The following MVB12B variants were observed in gnomAD, a reference collection of about 807,000 sequenced individuals.
MVB12B encodes multivesicular body subunit 12B.
A neutral mutation model predicts 41.6 loss-of-function variants in MVB12B; 16 were observed. The ratio of observed to expected loss-of-function variants is 0.38; its 90% CI spans 0.26 to 0.58. The LOEUF is 0.58. Among genes scored for constraint, MVB12B ranks in the 20% least tolerant of loss-of-function variants. MVB12B has a pLI of 0.62. For synonymous variants in MVB12B, 133 were observed against 139.7 expected (o/e 0.95, Z 0.34); for missense variants, 274 against 380.2 (o/e 0.72, Z 2.32).
Position 126,478,188 on chromosome 9 carries a change from G to A in MVB12B, c.758-3181G>A, listed in dbSNP as rs1220196618. 6.6e-6 allele frequency among the ~76,000 whole-genome samples: 1 copy of A among 152,202 alleles called. No homozygotes were observed. Among genetic ancestry groups the A allele is most frequent in the Non-Finnish European group, 1.5e-5 (1 of 68,046 alleles). ...AATTTTTTAAAACATTTCCCTCCCT[G>A]CTTAGATCTTCCTAGTTCCTAGAAG... On this transcript the variant is annotated intron_variant, in intron 7 of 9. Coordinates refer to ENST00000361171, the MANE Select transcript of MVB12B (RefSeq NM_033446.3). The surrounding 1 kb of genome is among the most constrained non-coding windows in gnomAD (Gnocchi z 4.2).
chr9:126,434,840 A>C (rs918051437), intron 7 of MVB12B, among the ~76,000 whole-genome samples: 2 of 152,174 alleles, frequency 1.3e-5, no homozygotes, highest in African/African-American at 4.8e-5. Flanking sequence ...AAGGAGATCC[A>C]TCTCTGGTCA....
chr9:126,457,550 G>A (rs2417018), intron 7 of MVB12B, among the ~76,000 whole-genome samples: 41,130 of 151,942 alleles, frequency 0.27, 5,648 homozygotes, highest in Middle Eastern at 0.33. Context: ...AGATTTGGGG[G>A]TACCTGTATG....
At chr9:126,440,736 C>G (rs1832613357) in intron 7 of MVB12B, among the ~76,000 whole-genome samples, 1 of 151,998 alleles carries the variant, frequency 6.6e-6, no homozygotes, top group African/African-American at 2.4e-5. Flanking sequence ...AAAAAAGAAC[C>G]AGTGAGTTCA....
At chr9:126,485,718 A>G (rs919939880) in intron 9 of MVB12B, among the ~76,000 whole-genome samples, 2 of 152,018 alleles carry the variant, frequency 1.3e-5, no homozygotes, top group Non-Finnish European at 2.9e-5. Flanking sequence ...AAGCTGGAAC[A>G]CATCTGGCAG....
intron 1 of MVB12B, among the ~76,000 whole-genome samples, chr9:126,337,413 G>A (rs1829313228): frequency 6.6e-6 from 1 of 152,154 alleles, no homozygotes; most frequent in South Asian, 2.1e-4. Context: ...AATTAATCCC[G>A]TGTTACTTTT....
intron 7 of MVB12B, among the ~76,000 whole-genome samples, chr9:126,457,666 C>A (rs1175703502): frequency 6.6e-6 from 1 of 152,126 alleles, no homozygotes; most frequent in African/African-American, 2.4e-5. Flanking sequence ...CCAGTACTTC[C>A]ATTTTCTCCG....
chr9:126,426,741 C>T (rs999725256), intron 7 of MVB12B, among the ~76,000 whole-genome samples: 5 of 152,104 alleles, frequency 3.3e-5, no homozygotes, highest in African/African-American at 9.7e-5. Flanking sequence ...AAAGTAGGTG[C>T]GGCTATGTGC....
intron 2 of MVB12B, among the ~76,000 whole-genome samples, chr9:126,363,229 T>C (rs900271410): frequency 6.6e-6 from 1 of 152,190 alleles, no homozygotes; most frequent in East Asian, 1.9e-4. Flanking sequence ...AGATTTCTCT[T>C]ACATTCAACA....
At chr9:126,342,729 T>TGAA (rs1829481858) in intron 2 of MVB12B, among the ~76,000 whole-genome samples, 1 of 151,974 alleles carries the variant, frequency 6.6e-6, no homozygotes, top group Non-Finnish European at 1.5e-5. Context: ...TCCCCAGAGG[T>TGAA]CTGGCCCCAA....
chr9:126,381,184 G>T lies in MVB12B; in HGVS notation c.312+13G>T. 6.3e-7 allele frequency: 1 copy of T among 1,577,926 alleles called. No individual in the cohort carries two copies. The highest frequency in any genetic ancestry group is 8.7e-7 in the Non-Finnish European group (1 of 1,148,088). The stretch of plus-strand genomic sequence containing the variant: ...TTCCAAAGAAAATGTAAGTCTAGTC[G>T]TAGTTTCCATTTGCTGAGTGAGCAC... On this transcript the variant is annotated intron_variant, in intron 3 of 9. Coordinates refer to ENST00000361171, the MANE Select transcript of MVB12B (RefSeq NM_033446.3).
intron 3 of MVB12B, among the ~76,000 whole-genome samples, chr9:126,384,925 C>G (rs1830737078): frequency 6.6e-6 from 1 of 150,636 alleles, no homozygotes; most frequent in Non-Finnish European, 1.5e-5. Context: ...CAGCCTCAAC[C>G]TCCCAGGCTC....
rs966148578 is a variant in MVB12B at position 126,478,383 on chromosome 9, A to T, written c.758-2986A>T. ...ATGGGAACAGCAGCCCTCCCTGTCC[A>T]GCACAGCCCCTGAGCCCCCAGGCCC... On this transcript the variant is annotated intron_variant, in intron 7 of 9. Transcript: ENST00000361171. The surrounding 1 kb of genome is among the most constrained non-coding windows in gnomAD (Gnocchi z 4.2). Among the ~76,000 whole-genome samples, 1 of 152,116 alleles carries T rather than the reference A, an allele frequency of 6.6e-6. No individual in the cohort carries two copies. The highest frequency in any genetic ancestry group is 2.4e-5 in the African/African-American group (1 of 41,424).
chr9:126,368,213 T>C (rs1227956661), intron 2 of MVB12B, among the ~76,000 whole-genome samples: 1 of 152,206 alleles, frequency 6.6e-6, no homozygotes, highest in Non-Finnish European at 1.5e-5. Context: ...AAGCCGAGGC[T>C]CAGAGAGGTT....
At chr9:126,472,677 C>CA (rs536152480) in intron 7 of MVB12B, among the ~76,000 whole-genome samples, 1,692 of 152,220 alleles carry the variant, frequency 0.011, 22 homozygotes, top group Middle Eastern at 0.027. Flanking sequence ...ATTTTACAAA[C>CA]ACTCTGGTGA....
chr9:126,444,714 T>A (rs1410018749), intron 7 of MVB12B, among the ~76,000 whole-genome samples: 1 of 152,194 alleles, frequency 6.6e-6, no homozygotes, highest in Non-Finnish European at 1.5e-5. Flanking sequence ...TCTAGTACCT[T>A]CATTTTTTTT....
intron 6 of MVB12B, among the ~76,000 whole-genome samples, chr9:126,412,773 C>T (rs1269759812): frequency 6.6e-6 from 1 of 152,102 alleles, no homozygotes; most frequent in African/African-American, 2.4e-5. Flanking sequence ...GTAGCTTAGC[C>T]GTGTGTGCCC....
chr9:126,478,003 C>T lies in MVB12B; in HGVS notation c.758-3366C>T, dbSNP rs561889271. Among the ~76,000 whole-genome samples, 10 of 152,268 alleles carry T rather than the reference C, an allele frequency of 6.6e-5. No individual in the cohort carries two copies. Among genetic ancestry groups the T allele is most frequent in the Admixed American group, 2.0e-4 (3 of 15,294 alleles). ...TCAGTTGGAAGGAGAAAGAAACACA[C>T]GCTCCTTGTGGGAGCAGGGAGAAAC... On this transcript the variant is annotated intron_variant, in intron 7 of 9. Transcript: ENST00000361171. The surrounding 1 kb of genome is among the most constrained non-coding windows in gnomAD (Gnocchi z 4.2).
chr9:126,452,349 T>C (rs1367790957), intron 7 of MVB12B, among the ~76,000 whole-genome samples: 1 of 152,210 alleles, frequency 6.6e-6, no homozygotes, highest in East Asian at 1.9e-4. Flanking sequence ...GGCCCTGCCT[T>C]GGAGCCTGGT....
rs1242629876 is a variant in MVB12B, at chr9:126,480,499, C to G, written c.758-870C>G. On this transcript the variant is annotated intron_variant, in intron 7 of 9. Transcript: ENST00000361171. The surrounding 1 kb of genome is among the most constrained non-coding windows in gnomAD (Gnocchi z 4.9). ...GAGGCACACCCTGGGTCGTTTCTGT[C>G]CGTGTGCTTTTGAAAGCGATCCCCT... 6.6e-6 allele frequency among the ~76,000 whole-genome samples: 1 copy of G among 152,194 alleles called. No individual in the cohort carries two copies. The highest frequency in any genetic ancestry group is 1.5e-5 in the Non-Finnish European group (1 of 68,024).
Sources: gnomAD v4.1 joint callset for allele counts (sites outside exome capture counted in the v4.1 genomes callset) on GRCh38, gnomAD v4.1.1 for gene constraint, Gnocchi (gnomAD v3.1) non-coding constraint, MANE v1.5 for transcripts, NCBI Gene and HGNC (gene_info 2026-07-23, HGNC 2026-07-21) for gene names.